SEPTIN9: variants seen among roughly 807,000 people sequenced by gnomAD.
SEPTIN9 encodes the protein septin-9.
A neutral mutation model predicts 56.6 loss-of-function variants in SEPTIN9; 13 were observed. The ratio of observed to expected loss-of-function variants is 0.23; its 90% confidence interval spans 0.15 to 0.37. The LOEUF is 0.37. Among genes scored for constraint, SEPTIN9 ranks in the 10% least tolerant of loss-of-function variants. SEPTIN9 has a pLI of 1.00. For synonymous variants in SEPTIN9, 332 were observed against 334.1 expected (o/e 0.99, Z 0.07); for missense variants, 650 against 823.1 (o/e 0.79, Z 2.57).
intron 3 of SEPTIN9, among the ~76,000 whole-genome samples, chr17:77,409,584 C>T (rs979928938): frequency 2.6e-5 from 4 of 152,320 alleles, no homozygotes; most frequent in African/African-American, 9.6e-5. Flanking sequence ...GCCCTGACCA[C>T]CCAGCCTGGC....
Position 77,330,682 on chromosome 17 carries a change from G to C in SEPTIN9, c.76+23485G>C, listed in dbSNP as rs539285411. Among the ~76,000 whole-genome samples, 1 of 152,242 alleles carries C rather than the reference G, an allele frequency of 6.6e-6. No homozygotes were observed. Among genetic ancestry groups the C allele is most frequent in the South Asian group, 2.1e-4 (1 of 4,832 alleles). On this transcript the variant is annotated intron_variant, in intron 2 of 11. Transcript: ENST00000427177. This position sits in a 1 kb window ranked among gnomAD's most constrained non-coding sequence, Gnocchi z 4.4. ...CCTAAAGCCTGCTGTCAGGAGCCTC[G>C]CTTGCCTCTCAGAGAGCACATGGCT... is the stretch of plus-strand genomic sequence containing the variant.
At chr17:77,382,312 AG>A (rs1244729910) in intron 2 of SEPTIN9, among the ~76,000 whole-genome samples, 1 of 152,224 alleles carries the variant, frequency 6.6e-6, no homozygotes, top group Non-Finnish European at 1.5e-5. Context: ...TACAGGTGTG[AG>A]CCACTGCGCT....
chr17:77,319,652 AG>A lies in SEPTIN9; in HGVS notation c.76+12458del. 1 of 1,062,392 alleles carries A rather than the reference AG, an allele frequency of 9.4e-7. No homozygotes were observed. Among genetic ancestry groups the A allele is most frequent in the Non-Finnish European group, 1.1e-6 (1 of 877,510 alleles). 65.8% of individuals were successfully genotyped at this position (1,062,392 alleles called of 1,614,324 possible). ...CTCCTGCCCAGCCACGTTGGGGTAC[AG>A]GGTGAAGAAGGGCTGGGGCCAGCCC... is the stretch of plus-strand genomic sequence containing the variant. On this transcript the variant is annotated intron_variant, in intron 2 of 11. Transcript: ENST00000427177. This position sits in a 1 kb window ranked among gnomAD's most constrained non-coding sequence, Gnocchi z 5.3.
chr17:77,429,064 A>G lies in SEPTIN9; in HGVS notation c.721+26361A>G, dbSNP rs747134045. On this transcript the variant is annotated intron_variant, in intron 3 of 11. Transcript: ENST00000427177. This position sits in a 1 kb window ranked among gnomAD's most constrained non-coding sequence, Gnocchi z 5.2. ...CTCCGCCCCCTGCTCCTGGTTGCAG[A>G]TGTACCTGTTCTTGGCTATTTGTGC... The G allele has an allele frequency of 4.2e-6, 2 of 471,572 alleles. No homozygotes were observed. The highest frequency in any genetic ancestry group is 3.1e-5 in the South Asian group (2 of 64,566). The allele number at this position is 471,572 out of a possible 1,614,324, so 29.2% of individuals were successfully genotyped here.
At chr17:77,469,749 C>T (rs2038896760) in intron 3 of SEPTIN9, 1 of 152,030 alleles carries the variant, frequency 6.6e-6, no homozygotes, top group Non-Finnish European at 1.5e-5. Flanking sequence ...CTCCATGTAC[C>T]TATCCACCCA....
At chr17:77,438,784 G>C (rs1054836306) in intron 3 of SEPTIN9, among the ~76,000 whole-genome samples, 1 of 152,222 alleles carries the variant, frequency 6.6e-6, no homozygotes, top group African/African-American at 2.4e-5. Context: ...CTACAGCAGT[G>C]ATGGGAATTG....
At position 77,405,474 on chromosome 17, in the gene SEPTIN9, G is replaced by A. The variant is rs1254688086; in HGVS notation, c.721+2771G>A. Among the ~76,000 whole-genome samples the A allele has an allele frequency of 6.6e-6, 1 of 152,212 alleles. No homozygotes were observed. Among genetic ancestry groups the A allele is most frequent in the Non-Finnish European group, 1.5e-5 (1 of 68,042 alleles). ...CATGGAATAGGATGTACACGTTGGA[G>A]CCGGGGCATGGGAGAAAACCATCAG... is the stretch of plus-strand genomic sequence containing the variant. On this transcript the variant is annotated intron_variant, in intron 3 of 11. Coordinates refer to ENST00000427177, the MANE Select transcript of SEPTIN9 (RefSeq NM_001113491.2). The surrounding 1 kb of genome is among the most constrained non-coding windows in gnomAD (Gnocchi z 5.8).
rs1436929448 is a variant in SEPTIN9 at position 77,433,541 on chromosome 17, C to T, written c.721+30838C>T. ...CGCCCCAGCCACGTTCCCACCCACC[C>T]CGAGGCCCAGCATGGCCATGCCGGA... is the stretch of plus-strand genomic sequence containing the variant. On this transcript the variant is annotated intron_variant, in intron 3 of 11. Coordinates refer to ENST00000427177, the MANE Select transcript of SEPTIN9 (RefSeq NM_001113491.2). This position sits in a 1 kb window ranked among gnomAD's most constrained non-coding sequence, Gnocchi z 6.4. 1.3e-5 allele frequency among the ~76,000 whole-genome samples: 2 copies of T among 152,222 alleles called. No homozygotes were observed. Among genetic ancestry groups the T allele is most frequent in the South Asian group, 2.1e-4 (1 of 4,824 alleles).
chr17:77,283,902 C>G lies in SEPTIN9; in HGVS notation c.19+2348C>G, dbSNP rs145777663. Among the ~76,000 whole-genome samples the G allele has an allele frequency of 8.2e-3, 1,246 of 152,230 alleles. 22 individuals carry two copies. Among genetic ancestry groups the G allele is most frequent in the African/African-American group, 0.028 (1,162 of 41,534 alleles). On this transcript the variant is annotated intron_variant, in intron 1 of 11. Transcript: ENST00000427177. ...GCCTGCAGAGAACTTACATTCTCAC[C>G]GGGAGTCAGGATGAGGGCGAGACAC...
At chr17:77,496,348 A>C (rs1471084525) in intron 10 of SEPTIN9, 2 of 152,160 alleles carry the variant, frequency 1.3e-5, no homozygotes, top group Non-Finnish European at 2.9e-5. Flanking sequence ...TTTTCGTAAG[A>C]TAATGGGGAT....
At position 77,475,311 on chromosome 17, in the gene SEPTIN9, C is replaced by A; in HGVS notation, c.722-6833C>A. ...CTGTGTGGGAGCGGGGAGGGCAAGC[C>A]CTGGTTGCGAGGCAGGGCTTCCCCA... On this transcript the variant is annotated intron_variant, in intron 3 of 11. Transcript: ENST00000427177. This position sits in a 1 kb window ranked among gnomAD's most constrained non-coding sequence, Gnocchi z 4.6. The A allele has an allele frequency of 7.0e-7, 1 of 1,424,018 alleles. No individual in the cohort carries two copies. The highest frequency in any genetic ancestry group is 9.1e-7 in the Non-Finnish European group (1 of 1,094,244). The allele number at this position is 1,424,018 out of a possible 1,614,324, so 88.2% of individuals were successfully genotyped here. A position where few individuals can be genotyped will look rare whatever the true frequency, so the allele number is the denominator to read the frequency against.
chr17:77,419,753 T>C (rs3650), intron 3 of SEPTIN9: 56,543 of 152,264 alleles, frequency 0.37, 10,988 homozygotes, highest in African/African-American at 0.42. Flanking sequence ...CCGGTCACTG[T>C]GGGCTCGGGT....
chr17:77,363,323 AGTG>A (rs2143861721), intron 2 of SEPTIN9, among the ~76,000 whole-genome samples: 1 of 149,902 alleles, frequency 6.7e-6, no homozygotes, highest in African/African-American at 2.5e-5. Context: ...ACAATCTCAA[AGTG>A]GGCCACCCAG....
intron 1 of SEPTIN9, among the ~76,000 whole-genome samples, chr17:77,283,225 G>A (rs2031119947): frequency 6.7e-6 from 1 of 150,296 alleles, no homozygotes; most frequent in South Asian, 2.1e-4. Flanking sequence ...TAGAGTTTGT[G>A]GAGTGAGCAG....
chr17:77,451,483 C>A lies in SEPTIN9; in HGVS notation c.722-30661C>A. 1 of 985,826 alleles carries A rather than the reference C, an allele frequency of 1.0e-6. No individual in the cohort carries two copies. Among genetic ancestry groups the A allele is most frequent in the Non-Finnish European group, 1.2e-6 (1 of 830,254 alleles). The allele number at this position is 985,826 out of a possible 1,614,324, so 61.1% of individuals were successfully genotyped here. A position where few individuals can be genotyped will look rare whatever the true frequency, so the allele number is the denominator to read the frequency against. On this transcript the variant is annotated intron_variant, in intron 3 of 11. Transcript: ENST00000427177. This position sits in a 1 kb window ranked among gnomAD's most constrained non-coding sequence, Gnocchi z 4.2. ...GAGCCATGTGACCCGGTGGGCGGGC[C>A]GCGGCTCTCGGCGCGTCCAGCGCAG...
chr17:77,392,851 A>T (rs1326761758), intron 2 of SEPTIN9, among the ~76,000 whole-genome samples: 6 of 152,088 alleles, frequency 3.9e-5, no homozygotes, highest in Non-Finnish European at 8.8e-5. Flanking sequence ...GCCGCCCTCC[A>T]CTGACACTGC....
intron 1 of SEPTIN9, among the ~76,000 whole-genome samples, chr17:77,296,378 CAGAG>C (rs377206467): frequency 8.6e-5 from 13 of 151,082 alleles, no homozygotes; most frequent in East Asian, 1.9e-4. Context: ...GACAAGCGGA[CAGAG>C]AGAGAGAGAG....
At position 77,429,055 on chromosome 17, in the gene SEPTIN9, T is replaced by C. The variant is rs1254328491; in HGVS notation, c.721+26352T>C. 2.1e-6 allele frequency: 1 copy of C among 471,586 alleles called. No individual in the cohort carries two copies. Among genetic ancestry groups the C allele is most frequent in the Non-Finnish European group, 4.4e-6 (1 of 227,158 alleles). The allele number at this position is 471,586 out of a possible 1,614,324, so 29.2% of individuals were successfully genotyped here. A position where few individuals can be genotyped will look rare whatever the true frequency, so the allele number is the denominator to read the frequency against. ...TCAGCAGCCCTCCGCCCCCTGCTCC[T>C]GGTTGCAGATGTACCTGTTCTTGGC... On this transcript the variant is annotated intron_variant, in intron 3 of 11. Coordinates refer to ENST00000427177, the MANE Select transcript of SEPTIN9 (RefSeq NM_001113491.2). This position sits in a 1 kb window ranked among gnomAD's most constrained non-coding sequence, Gnocchi z 5.2.
intron 2 of SEPTIN9, among the ~76,000 whole-genome samples, chr17:77,320,903 G>A (rs1312645230): frequency 3.9e-5 from 6 of 152,256 alleles, no homozygotes; most frequent in South Asian, 4.1e-4. Context: ...ATGTGTGTGC[G>A]TGTGTCCATT....
Sources: gnomAD v4.1 joint callset for allele counts (sites outside exome capture counted in the v4.1 genomes callset) on GRCh38, gnomAD v4.1.1 for gene constraint, Gnocchi (gnomAD v3.1) non-coding constraint, MANE v1.5 for transcripts, NCBI Gene and HGNC (gene_info 2026-07-23, HGNC 2026-07-21) for gene names.